RGS5: variants seen among roughly 807,000 people sequenced by gnomAD.
The protein encoded by RGS5 is regulator of G-protein signalling 5.
RGS5 carries 20 observed loss-of-function variants against 18.9 expected under a neutral mutation model. That is an observed-to-expected ratio of 1.06 (90% CI 0.74 to 1.54). The LOEUF (loss-of-function observed/expected upper bound fraction) is 1.54. Ranked by LOEUF, RGS5 falls within the 40% of genes most tolerant of loss-of-function variation. RGS5 has a pLI of 0.00. For missense variants in RGS5, 201 were observed against 211.8 expected, an observed-to-expected ratio of 0.95 and a Z score of 0.32; for synonymous variants, 57 against 76.2, an observed-to-expected ratio of 0.75 and a Z score of 1.31.
At chr1:163,252,926 A>G (rs1006472037) in intron 2 of RGS5, among the ~76,000 whole-genome samples, 2 of 152,148 alleles carry the variant, frequency 1.3e-5, no homozygotes, top group Admixed American at 1.3e-4. Context: ...AAAAATGAAG[A>G]ATCTGTAGCA....
chr1:163,172,509 A>G (rs1351556412), intron 1 of RGS5: 3 of 1,539,584 alleles, frequency 1.9e-6, no homozygotes, highest in African/African-American at 1.4e-5. Flanking sequence ...CATTTATAAC[A>G]TTGCCAAGAG....
intron 1 of RGS5, chr1:163,172,490 A>G: frequency 6.6e-7 from 1 of 1,511,890 alleles, no homozygotes; most frequent in Non-Finnish European, 8.9e-7. Flanking sequence ...TGATCTAGAA[A>G]TCAACTATCA....
intron 2 of RGS5, among the ~76,000 whole-genome samples, chr1:163,288,025 T>C (rs890486874): frequency 6.6e-6 from 1 of 152,204 alleles, no homozygotes; most frequent in Non-Finnish European, 1.5e-5. Context: ...TAGTTGAGCA[T>C]ATTGTAAAAC....
At chr1:163,172,729 T>C in intron 1 of RGS5, 2 of 970,274 alleles carry the variant, frequency 2.1e-6, no homozygotes, top group Non-Finnish European at 3.0e-6. Flanking sequence ...GTCTATTAAA[T>C]TTAATTAGGA....
intron 3 of RGS5, 107 bp downstream of exon 3, chr1:163,161,808 G>T: frequency 1.2e-6 from 1 of 827,658 alleles, no homozygotes; most frequent in Non-Finnish European, 2.0e-6. Context: ...TTCAAAAATT[G>T]AAGAAATGTC....
chr1:163,261,821 G>C (rs1648444349), intron 2 of RGS5, among the ~76,000 whole-genome samples: 1 of 152,098 alleles, frequency 6.6e-6, no homozygotes, highest in African/African-American at 2.4e-5. Flanking sequence ...TGGAAGGGAA[G>C]GATAATATTT....
chr1:163,209,785 C>A (rs1281441247), intron 1 of RGS5, among the ~76,000 whole-genome samples: 4 of 152,066 alleles, frequency 2.6e-5, no homozygotes, highest in Non-Finnish European at 5.9e-5. Context: ...ATAGCTTCTG[C>A]AAGAAAGAGA....
intron 3 of RGS5, among the ~76,000 whole-genome samples, chr1:163,154,889 T>C (rs924499934): frequency 6.7e-6 from 1 of 149,708 alleles, no homozygotes; most frequent in Non-Finnish European, 1.5e-5. Flanking sequence ...AGATATAGCC[T>C]ATTATATATA....
intron 2 of RGS5, among the ~76,000 whole-genome samples, chr1:163,272,391 C>T (rs1278259330): frequency 6.6e-6 from 1 of 152,036 alleles, no homozygotes; most frequent in Admixed American, 6.6e-5. Flanking sequence ...TCCTTTGAGG[C>T]ACAAAAGTTC....
At chr1:163,161,575 A>G (rs963118573) in intron 3 of RGS5, 1 of 223,950 alleles carries the variant, frequency 4.5e-6, no homozygotes, top group African/African-American at 2.3e-5. Context: ...TTATGAGGCT[A>G]AGTCAGGAAA....
At chr1:163,310,221 T>A (rs1326674499) in intron 1 of RGS5, among the ~76,000 whole-genome samples, 1 of 152,190 alleles carries the variant, frequency 6.6e-6, no homozygotes, top group African/African-American at 2.4e-5. Context: ...AGTTGCATTA[T>A]CCCCTAACAA....
intron 1 of RGS5, among the ~76,000 whole-genome samples, chr1:163,188,308 T>C (rs757587597): frequency 3.3e-5 from 5 of 152,202 alleles, no homozygotes; most frequent in Non-Finnish European, 5.9e-5. Context: ...TAGACCTCAG[T>C]GTTGGACCAA....
intron 2 of RGS5, among the ~76,000 whole-genome samples, chr1:163,259,536 A>G (rs541430661): frequency 6.6e-6 from 1 of 152,260 alleles, no homozygotes; most frequent in Non-Finnish European, 1.5e-5. Context: ...ACAATACAGT[A>G]TGGTACACAA....
rs576480564 is a variant in RGS5 at position 163,259,374 on chromosome 1, C to T, written c.-281+46859G>A. 1.2e-3 allele frequency among the ~76,000 whole-genome samples: 186 copies of T among 151,400 alleles called. 4 individuals carry two copies. In the Middle Eastern group the frequency reaches 0.02, roughly 17 times the overall value. ...AGAGACGGGGTTTCACCGTGTTAGC[C>T]GGGATGGTCTCGATCTCCTGACCTC... On this transcript the variant is annotated intron_variant, in intron 2 of 5. Transcript: ENST00000618415.
At chr1:163,162,286 T>C (rs916631746) in intron 2 of RGS5, among the ~76,000 whole-genome samples, 4 of 152,198 alleles carry the variant, frequency 2.6e-5, no homozygotes, top group Non-Finnish European at 5.9e-5. Context: ...ATGAAAGTTG[T>C]TCCAACTGTG....
At chr1:163,263,006 C>T (rs1313632909) in intron 2 of RGS5, among the ~76,000 whole-genome samples, 1 of 152,180 alleles carries the variant, frequency 6.6e-6, no homozygotes, top group Non-Finnish European at 1.5e-5. Context: ...TGAAGCTCAC[C>T]TCTCAGCTAA....
At chr1:163,203,028 G>A, upstream of RGS5, 1 of 557,820 alleles carries the variant, frequency 1.8e-6, no homozygotes. Flanking sequence ...CAGCAGCAGT[G>A]GGCCCTGAGG....
intron 1 of RGS5, among the ~76,000 whole-genome samples, chr1:163,201,831 G>A (rs1659780595): frequency 6.6e-6 from 1 of 152,122 alleles, no homozygotes; most frequent in Admixed American, 6.6e-5. Context: ...CTTTAGGGCT[G>A]AACATCTGTG....
intron 2 of RGS5, among the ~76,000 whole-genome samples, chr1:163,234,097 G>C (rs775882239): frequency 6.6e-6 from 1 of 152,136 alleles, no homozygotes; most frequent in South Asian, 2.1e-4. Context: ...ACCTACTGCT[G>C]GCTAGGACTT....
Sources: gnomAD v4.1 joint callset for allele counts (sites outside exome capture counted in the v4.1 genomes callset) on GRCh38, gnomAD v4.1.1 for gene constraint, MANE v1.5 for transcripts, NCBI Gene and HGNC (gene_info 2026-07-23, HGNC 2026-07-21) for gene names.